TTC12: variants seen among roughly 807,000 people sequenced by gnomAD.
TTC12 encodes tetratricopeptide repeat domain 12.
A neutral mutation model predicts 90.1 loss-of-function variants in TTC12; 70 were observed. The observed-to-expected ratio is 0.78, with a 90% confidence interval of 0.64 to 0.95. The LOEUF (loss-of-function observed/expected upper bound fraction) is 0.95. Ranked by LOEUF, TTC12 falls within the 40% of genes least tolerant of loss-of-function variation. The pLI, the probability that TTC12 is intolerant of heterozygous loss-of-function variation, is 0.00. For synonymous variants in TTC12, 296 were observed against 311.5 expected (o/e 0.95, Z 0.53); for missense variants, 819 against 846.1 (o/e 0.97, Z 0.40).
intron 9 of TTC12, 70 bp from the exon 10 acceptor site, chr11:113,339,216 A>C: frequency 7.5e-7 from 1 of 1,329,622 alleles, no homozygotes; most frequent in Non-Finnish European, 1.0e-6. Flanking sequence ...AAGGAAAAAA[A>C]AAGGTTGCTT....
At chr11:113,318,616 G>A (rs1947103606) in intron 2 of TTC12, among the ~76,000 whole-genome samples, 1 of 152,086 alleles carries the variant, frequency 6.6e-6, no homozygotes, top group African/African-American at 2.4e-5. Context: ...TTTTGGGGGG[G>A]ATGCAATTTA....
intron 21 of TTC12, among the ~76,000 whole-genome samples, chr11:113,365,841 C>T (rs1950175362): frequency 6.6e-6 from 1 of 152,130 alleles, no homozygotes; most frequent in African/African-American, 2.4e-5. Context: ...TTGATAATAT[C>T]TAAGGTCCTT....
At chr11:113,342,772 A>G (rs1448360153) in intron 12 of TTC12, among the ~76,000 whole-genome samples, 1 of 152,202 alleles carries the variant, frequency 6.6e-6, no homozygotes. Flanking sequence ...ACAAGAATTA[A>G]GGGGAGTTAT....
chr11:113,341,794 T>A lies in TTC12; in HGVS notation c.897-43T>A, dbSNP rs529607818. On this transcript the variant is annotated intron_variant, in intron 11 of 21. Coordinates refer to ENST00000529221, the MANE Select transcript of TTC12 (RefSeq NM_017868.4). ...ACCAAATGGAAAAGAAAATCAAGACTGATTTTCAGACTTTTAAGATAGCTC... is the reference window on the plus strand; with the variant it reads ...ACCAAATGGAAAAGAAAATCAAGACAGATTTTCAGACTTTTAAGATAGCTC... 6 of 1,469,534 alleles carry A rather than the reference T, an allele frequency of 4.1e-6. No homozygotes were observed. The East Asian group carries it at 1.4e-4, about 33-fold the overall frequency. The allele number at this position is 1,469,534 out of a possible 1,614,324, so 91.0% of individuals were successfully genotyped here.
At chr11:113,360,085 A>G (rs1949838217) in intron 18 of TTC12, 77 bp downstream of exon 18, 3 of 484,078 alleles carry the variant, frequency 6.2e-6, no homozygotes, top group Non-Finnish European at 1.0e-5. Context: ...TTTTATTATC[A>G]GTGTAATCTT....
chr11:113,350,073 A>T lies in TTC12; in HGVS notation c.1155A>T (p.Arg385Ser). Residue 385 changes from arginine to serine, a missense_variant and splice_region_variant, in exon 14 of 22, where the codon AGA becomes AGT. Coordinates refer to ENST00000529221, the MANE Select transcript of TTC12 (RefSeq NM_017868.4). ...CTGAGGTTATTATGGTTTTTTGCAG[A>T]TTATTGGAAGCGCTGGTGTCATTTC... ...SLIINHLDLT[R>S]LLEALVSFLD... The T allele has an allele frequency of 6.2e-7, 1 of 1,613,322 alleles. No homozygotes were observed. The highest frequency in any genetic ancestry group is 8.5e-7 in the Non-Finnish European group (1 of 1,179,348).
intron 4 of TTC12, 99 bp downstream of exon 4, chr11:113,324,114 A>G: frequency 2.1e-6 from 2 of 958,440 alleles, no homozygotes; most frequent in Non-Finnish European, 3.3e-6. Flanking sequence ...CTTTGAGCTT[A>G]CAAACAACCT....
intron 3 of TTC12, among the ~76,000 whole-genome samples, 187 bp downstream of exon 3, chr11:113,323,638 AC>A (rs1458554766): frequency 2.0e-5 from 3 of 152,016 alleles, no homozygotes; most frequent in African/African-American, 4.8e-5. Flanking sequence ...TCTTTAAACA[AC>A]CCTTTGGATC....
intron 17 of TTC12, among the ~76,000 whole-genome samples, 186 bp from the exon 18 acceptor site, chr11:113,359,754 G>A (rs1406998332): frequency 2.0e-5 from 3 of 152,208 alleles, no homozygotes; most frequent in Non-Finnish European, 4.4e-5. Context: ...TGCTATCAGG[G>A]TAATGCCCTG....
intron 2 of TTC12, among the ~76,000 whole-genome samples, chr11:113,320,066 C>T (rs547090038): frequency 6.6e-6 from 1 of 152,030 alleles, no homozygotes; most frequent in Non-Finnish European, 1.5e-5. Flanking sequence ...CAACATATTC[C>T]ATAAAAACAA....
At chr11:113,322,093 A>T (rs1190550536) in intron 2 of TTC12, among the ~76,000 whole-genome samples, 15 of 152,238 alleles carry the variant, frequency 9.9e-5, no homozygotes, top group African/African-American at 3.6e-4. Context: ...TATAAATGGC[A>T]TAGAAACAAA....
Position 113,341,903 on chromosome 11 carries a change from G to A in TTC12, c.963G>A (p.Trp321Ter), listed in dbSNP as rs924882491. 6.2e-7 allele frequency: 1 copy of A among 1,614,148 alleles called. No individual in the cohort carries two copies. The highest frequency in any genetic ancestry group is 1.6e-4 in the Middle Eastern group (1 of 6,062). ...TCTGTGTGTCTGTTCTCAAGCTCTG[G>A]CAAGCAGTGTGCAGCAGGAACGGTA... ...EMVCVSVLKLWQAVCSRNEEN... is the reference protein window; with the variant it reads ...EMVCVSVLKL The change falls in exon 12 of 22, where the codon TGG (tryptophan) becomes TGA (stop). Residue 321 changes from tryptophan to a stop codon, truncating the protein, a stop_gained. Coordinates refer to ENST00000529221, the MANE Select transcript of TTC12 (RefSeq NM_017868.4). LOFTEE classifies it high-confidence loss of function.
intron 21 of TTC12, 53 bp downstream of exon 21, chr11:113,365,113 C>G: frequency 2.6e-6 from 4 of 1,538,670 alleles, no homozygotes; most frequent in Non-Finnish European, 3.6e-6. Context: ...AGCAGCTGAG[C>G]TGAGGTGCTG....
chr11:113,335,451 A>G (rs910851884), intron 8 of TTC12, among the ~76,000 whole-genome samples: 1 of 152,196 alleles, frequency 6.6e-6, no homozygotes, highest in African/African-American at 2.4e-5. Context: ...ATTCATCTGT[A>G]GAATATACTA....
At chr11:113,351,490 G>C (rs1293919102) in intron 15 of TTC12, among the ~76,000 whole-genome samples, 191 bp downstream of exon 15, 1 of 152,206 alleles carries the variant, frequency 6.6e-6, no homozygotes, top group Non-Finnish European at 1.5e-5. Flanking sequence ...GTGGCATATG[G>C]ATGGCGCTGG....
intron 13 of TTC12, among the ~76,000 whole-genome samples, chr11:113,345,231 G>C (rs1948882928): frequency 6.6e-6 from 1 of 152,314 alleles, no homozygotes; most frequent in South Asian, 2.1e-4. Flanking sequence ...CTTTATAAAT[G>C]TTTCTCACAC....
intron 8 of TTC12, among the ~76,000 whole-genome samples, chr11:113,336,800 C>T (rs1162270532): frequency 3.9e-5 from 6 of 152,176 alleles, no homozygotes; most frequent in Non-Finnish European, 7.4e-5. Flanking sequence ...CTTTGTTCCT[C>T]TACTTTTTCA....
At chr11:113,370,981 C>T (rs896818345), downstream of TTC12, among the ~76,000 whole-genome samples, 11 of 152,130 alleles carry the variant, frequency 7.2e-5, no homozygotes, top group Admixed American at 3.3e-4. Flanking sequence ...CCCACACACA[C>T]GGAATTCATC....
intron 12 of TTC12, among the ~76,000 whole-genome samples, chr11:113,342,145 G>A (rs1948720222): frequency 6.6e-6 from 1 of 152,168 alleles, no homozygotes; most frequent in Admixed American, 6.5e-5. Context: ...ATAATGAGTG[G>A]TCTCCTCTCT....
Sources: gnomAD v4.1 joint callset for allele counts (sites outside exome capture counted in the v4.1 genomes callset) on GRCh38, gnomAD v4.1.1 for gene constraint, MANE v1.5 for transcripts, NCBI Gene and HGNC (gene_info 2026-07-23, HGNC 2026-07-21) for gene names.